The following ETFDH variants were observed in gnomAD, a reference collection of about 807,000 sequenced individuals.
ETFDH encodes electron transfer flavoprotein-ubiquinone oxidoreductase, mitochondrial.
In ETFDH, 61 loss-of-function variants were observed where a neutral mutation model predicts 73.2. That is an observed-to-expected ratio of 0.83 (90% confidence interval 0.68 to 1.03). ETFDH has a LOEUF of 1.03. Among genes scored for constraint, ETFDH ranks in the 50% least tolerant of loss-of-function variants. The pLI is 0.00. For synonymous variants in ETFDH, 243 were observed against 253.3 expected (o/e 0.96, Z 0.39); for missense variants, 685 against 745.0 (o/e 0.92, Z 0.94).
intron 5 of ETFDH, among the ~76,000 whole-genome samples, chr4:158,689,595 CATATAT>C (rs573706904): frequency 0.019 from 617 of 32,734 alleles, 13 homozygotes; most frequent in African/African-American, 0.056. Flanking sequence ...ATAAAACCTT[CATATAT>C]ATATATATAT....
chr4:158,708,381 C>T lies in ETFDH; in HGVS notation c.1708C>T (p.Pro570Ser). The T allele has an allele frequency of 1.2e-6, 2 of 1,611,288 alleles. No individual in the cohort carries two copies. Among genetic ancestry groups the T allele is most frequent in the East Asian group, 4.5e-5 (2 of 44,856 alleles). The change falls in exon 13 of 13, where the codon CCT (proline) becomes TCT (serine). Residue 570 changes from proline to serine, a missense_variant. Physicochemically the swap from Pro to Ser is moderately conservative, Grantham distance 74. This residue lies in a region of ETFDH where 201 missense variants were observed against 225.2 expected (regional missense o/e 0.89). Coordinates refer to ENST00000511912, the MANE Select transcript of ETFDH (RefSeq NM_004453.4). Reference protein sequence around the residue: ...FCPAGVYEFVPVEQGDGFRLQ... With the variant: ...FCPAGVYEFVSVEQGDGFRLQ... ...CTTTTCAGGAGTTTATGAATTTGTA[C>T]CTGTGGAACAAGGTGATGGATTTCG...
chr4:158,699,222 A>T (rs1282196339), intron 9 of ETFDH, 92 bp downstream of exon 9: 1 of 1,054,140 alleles, frequency 9.5e-7, no homozygotes, highest in Non-Finnish European at 1.5e-6. Context: ...GAATAAAAAC[A>T]ATATTGGAAT....
chr4:158,685,293 T>G lies in ETFDH; in HGVS notation c.606+74T>G, dbSNP rs1580400359. ...TTAATAAGTGGAGAATTTTATAAAG[T>G]TGAAGAAATAAATATTTTTTAAAAG... On this transcript the variant is annotated intron_variant, in intron 5 of 12. Coordinates refer to ENST00000511912, the MANE Select transcript of ETFDH (RefSeq NM_004453.4). 4.9e-6 allele frequency: 4 copies of G among 820,136 alleles called. 1 individual carries two copies. Among genetic ancestry groups the G allele is most frequent in the Middle Eastern group, 2.3e-4 (1 of 4,340 alleles). The allele number at this position is 820,136 out of a possible 1,614,324, so 50.8% of individuals were successfully genotyped here. A position where few individuals can be genotyped will look rare whatever the true frequency, so the allele number is the denominator to read the frequency against.
At position 158,672,453 on chromosome 4, in the gene ETFDH, G is replaced by T. The variant is rs370079385; in HGVS notation, c.-4G>T. 1 of 1,614,148 alleles carries T rather than the reference G, an allele frequency of 6.2e-7. No individual in the cohort carries two copies. The highest frequency in any genetic ancestry group is 1.3e-5 in the African/African-American group (1 of 75,044). ...TCCGACCGAGAGTCCTGGTGACTTT[G>T]AACATGCTGGTGCCGCTAGCCAAGC... On this transcript the variant is annotated 5_prime_UTR_variant, in exon 1 of 13. Coordinates refer to ENST00000511912, the MANE Select transcript of ETFDH (RefSeq NM_004453.4).
In ETFDH at chr4:158,699,084, A is replaced by G; in HGVS notation, c.1070A>G (p.Lys357Arg). The change falls in exon 9 of 13, where the codon AAA becomes AGA. Residue 357 changes from lysine (K) to arginine (R), a missense_variant. Coordinates refer to ENST00000511912, the MANE Select transcript of ETFDH (RefSeq NM_004453.4). ...ATTCGGCCAACCTTGGAAGGTGGAA[A>G]AAGGATTGCATACGGAGCCAGAGCT... ...PSIRPTLEGG[K>R]RIAYGARALN... 1 of 1,614,078 alleles carries G rather than the reference A, an allele frequency of 6.2e-7. No homozygotes were observed. Among genetic ancestry groups the G allele is most frequent in the Non-Finnish European group, 8.5e-7 (1 of 1,179,944 alleles).
intron 9 of ETFDH, among the ~76,000 whole-genome samples, chr4:158,702,835 A>G (rs1168287466): frequency 1.3e-5 from 2 of 152,202 alleles, no homozygotes; most frequent in African/African-American, 2.4e-5. Flanking sequence ...TATATACCCA[A>G]TAGTGGGATG....
At chr4:158,693,341 C>A (rs1774229289) in intron 6 of ETFDH, among the ~76,000 whole-genome samples, 1 of 152,096 alleles carries the variant, frequency 6.6e-6, no homozygotes, top group South Asian at 2.1e-4. Context: ...TGCATCTTAT[C>A]ATAAGAATTC....
chr4:158,692,399 C>CAAAA (rs35615738), intron 6 of ETFDH, among the ~76,000 whole-genome samples: 2 of 91,426 alleles, frequency 2.2e-5, no homozygotes, highest in African/African-American at 4.6e-5. Context: ...GACACCGTCT[C>CAAAA]AAAAAAAAAA....
chr4:158,697,683 T>G lies in ETFDH; in HGVS notation c.956T>G (p.Val319Gly). The G allele has an allele frequency of 6.2e-7, 1 of 1,613,868 alleles. No individual in the cohort carries two copies. Among genetic ancestry groups the G allele is most frequent in the Non-Finnish European group, 8.5e-7 (1 of 1,179,752 alleles). The change falls in exon 8 of 13, where the codon GTA (valine) becomes GGA (glycine). Residue 319 changes from valine to glycine, a missense_variant. By Grantham distance (109) the Val-to-Gly change is moderately radical. Around this residue, in one of 3 missense-constraint regions of ETFDH, gnomAD observed 405 missense variants for 399.3 expected, o/e 1.01. Transcript: ENST00000511912. ...LYHLNEGEPL[V>G]ALGLVVGLDY... ...CATTTGAATGAAGGTGAACCCCTAG[T>G]AGCTCTTGGTCTTGTGGTAAGTTAT...
intron 6 of ETFDH, among the ~76,000 whole-genome samples, chr4:158,691,315 CAT>C (rs1561243337): frequency 1.4e-3 from 206 of 151,984 alleles, no homozygotes; most frequent in Middle Eastern, 0.01. Context: ...TATACTTTGA[CAT>C]GTTTGTTTGT....
At position 158,672,442 on chromosome 4, in the gene ETFDH, C is replaced by T. The variant is rs1284392053; in HGVS notation, c.-15C>T. On this transcript the variant is annotated 5_prime_UTR_variant, in exon 1 of 13. Transcript: ENST00000511912. ...CTCCTGTTGTGTCCGACCGAGAGTC[C>T]TGGTGACTTTGAACATGCTGGTGCC... 3 of 1,614,108 alleles carry T rather than the reference C, an allele frequency of 1.9e-6. No individual in the cohort carries two copies. The highest frequency in any genetic ancestry group is 1.7e-5 in the Admixed American group (1 of 60,028).
intron 5 of ETFDH, among the ~76,000 whole-genome samples, chr4:158,689,595 CATATATATAT>C (rs573706904): frequency 0.071 from 2,318 of 32,742 alleles, 201 homozygotes; most frequent in African/African-American, 0.22. Flanking sequence ...ATAAAACCTT[CATATATATAT>C]ATATATATAT....
chr4:158,705,362 T>C (rs1297165533), intron 10 of ETFDH, among the ~76,000 whole-genome samples: 9 of 152,280 alleles, frequency 5.9e-5, no homozygotes. Flanking sequence ...CTGTGCCCAG[T>C]TCTGTCCCTT....
intron 1 of ETFDH, among the ~76,000 whole-genome samples, chr4:158,673,270 T>TC (rs1773626541): frequency 1.3e-5 from 2 of 152,208 alleles, no homozygotes; most frequent in South Asian, 4.1e-4. Flanking sequence ...ACCACTGCAC[T>TC]CCAGCCTAGG....
At chr4:158,701,290 C>T (rs868739767) in intron 9 of ETFDH, among the ~76,000 whole-genome samples, 1 of 152,206 alleles carries the variant, frequency 6.6e-6, no homozygotes, top group Non-Finnish European at 1.5e-5. Context: ...AACAAAGCCA[C>T]AGCCTTATTT....
intron 6 of ETFDH, among the ~76,000 whole-genome samples, chr4:158,694,639 A>G (rs1415144383): frequency 6.6e-6 from 1 of 152,086 alleles, no homozygotes; most frequent in East Asian, 1.9e-4. Flanking sequence ...AATAGTTATC[A>G]CACTTGATAC....
intron 9 of ETFDH, among the ~76,000 whole-genome samples, chr4:158,699,616 A>G (rs888410184): frequency 1.3e-5 from 2 of 152,218 alleles, no homozygotes; most frequent in Admixed American, 6.5e-5. Flanking sequence ...AGATAAATTC[A>G]TGGACATTTT....
chr4:158,678,015 C>T (rs1302589924), intron 1 of ETFDH, among the ~76,000 whole-genome samples: 10 of 152,140 alleles, frequency 6.6e-5, no homozygotes. Flanking sequence ...ATCTTTTTAA[C>T]TTTTTATCTT....
chr4:158,672,424 T>A lies in ETFDH; in HGVS notation c.-33T>A, dbSNP rs755438157. 6.2e-7 allele frequency: 1 copy of A among 1,613,556 alleles called. No individual in the cohort carries two copies. Among genetic ancestry groups the A allele is most frequent in the South Asian group, 1.1e-5 (1 of 91,078 alleles). ...CGCGAGCAGCGGACAGTCCTCCTGT[T>A]GTGTCCGACCGAGAGTCCTGGTGAC... is the stretch of plus-strand genomic sequence containing the variant. On this transcript the variant is annotated 5_prime_UTR_variant, in exon 1 of 13. Coordinates refer to ENST00000511912, the MANE Select transcript of ETFDH (RefSeq NM_004453.4).
Sources: allele counts gnomAD v4.1 joint callset (sites outside exome capture counted in the v4.1 genomes callset), GRCh38; gene constraint gnomAD v4.1.1; regional missense constraint gnomAD v4.1.1; transcripts MANE v1.5; gene names NCBI Gene and HGNC (gene_info 2026-07-23, HGNC 2026-07-21).